CBFA2T2: variants seen among roughly 807,000 people sequenced by gnomAD.
CBFA2T2 encodes CBFA2/RUNX1 partner transcriptional co-repressor 2, also known as protein CBFA2T2.
In CBFA2T2, 11 loss-of-function variants were observed where a neutral mutation model predicts 62.2. That is an observed-to-expected ratio of 0.18 (90% confidence interval 0.11 to 0.29). CBFA2T2 has a LOEUF of 0.29. Among genes scored for constraint, CBFA2T2 ranks in the 10% least tolerant of loss-of-function variants. CBFA2T2 has a pLI of 1.00. For synonymous variants in CBFA2T2, 295 were observed against 287.5 expected (o/e 1.03, Z -0.27); for missense variants, 592 against 774.1 (o/e 0.76, Z 2.79).
At chr20:33,584,899 A>C (rs2014297937) in intron 1 of CBFA2T2, among the ~76,000 whole-genome samples, 2 of 152,304 alleles carry the variant, frequency 1.3e-5, no homozygotes, top group Middle Eastern at 3.4e-3. Flanking sequence ...AGGGTAACTT[A>C]GATGCCTTTT....
At chr20:33,628,723 C>T (rs2016343149) in intron 7 of CBFA2T2, among the ~76,000 whole-genome samples, 1 of 152,214 alleles carries the variant, frequency 6.6e-6, no homozygotes, top group Admixed American at 6.5e-5. Flanking sequence ...CCCACCTCAG[C>T]CTCTCAGAGT....
At chr20:33,543,470 G>A (rs1383987600) in intron 1 of CBFA2T2, among the ~76,000 whole-genome samples, 1 of 152,122 alleles carries the variant, frequency 6.6e-6, no homozygotes, top group Non-Finnish European at 1.5e-5. Context: ...CCAAATGAAT[G>A]GTCTGCATCA....
chr20:33,543,939 A>ATCCAGAT (rs1419651244), intron 1 of CBFA2T2, among the ~76,000 whole-genome samples: 9 of 152,188 alleles, frequency 5.9e-5, no homozygotes, highest in African/African-American at 2.2e-4. Flanking sequence ...AGAATCCAGA[A>ATCCAGAT]TCCAAGTAAC....
chr20:33,564,121 A>G (rs1364641669), intron 1 of CBFA2T2, among the ~76,000 whole-genome samples: 1 of 152,202 alleles, frequency 6.6e-6, no homozygotes, highest in Non-Finnish European at 1.5e-5. Flanking sequence ...AGAAACTTTA[A>G]AAAATATTTT....
At chr20:33,532,892 A>T (rs1007303916) in intron 1 of CBFA2T2, among the ~76,000 whole-genome samples, 1 of 152,134 alleles carries the variant, frequency 6.6e-6, no homozygotes, top group African/African-American at 2.4e-5. Flanking sequence ...GCTGTTTCTC[A>T]AGGAGTGATT....
chr20:33,538,950 ATTCCT>A (rs2012337884), intron 1 of CBFA2T2, among the ~76,000 whole-genome samples: 1 of 152,058 alleles, frequency 6.6e-6, no homozygotes, highest in South Asian at 2.1e-4. Flanking sequence ...CCATATCATA[ATTCCT>A]AGCTACCAAT....
At chr20:33,614,050 G>T (rs571341827) in intron 3 of CBFA2T2, among the ~76,000 whole-genome samples, 234 of 151,700 alleles carry the variant, frequency 1.5e-3, no homozygotes, top group South Asian at 4.4e-3. Context: ...CGGGCGTGGA[G>T]CTTGCAGTGA....
rs780878677 is a variant in CBFA2T2, at chr20:33,623,160, G to A, written c.556G>A (p.Ala186Thr). Residue 186 changes from alanine to threonine, a missense_variant, in exon 5 of 11, where the codon GCG (alanine) becomes ACG (threonine). This residue lies in a region of CBFA2T2 where 449 missense variants were observed against 551.2 expected (regional missense o/e 0.81). Transcript: ENST00000342704. ...GCGGGAACTGCTGCACTGCGCTCGGGCGGCCAAGCAGACCCCATCCCAGTA... is the reference window on the plus strand; with the variant it reads ...GCGGGAACTGCTGCACTGCGCTCGGACGGCCAAGCAGACCCCATCCCAGTA... ...LQRELLHCAR[A>T]AKQTPSQYLA... The A allele has an allele frequency of 2.5e-6, 4 of 1,614,256 alleles. No individual in the cohort carries two copies. The highest frequency in any genetic ancestry group is 2.5e-6 in the Non-Finnish European group (3 of 1,180,032).
At chr20:33,533,671 A>T (rs374025005) in intron 1 of CBFA2T2, among the ~76,000 whole-genome samples, 1,569 of 147,400 alleles carry the variant, frequency 0.011, 13 homozygotes, top group South Asian at 0.042. Context: ...TTTCTTTTTT[A>T]AAAAAAAAAG....
In CBFA2T2 at chr20:33,610,800, G is replaced by A. The variant is rs144183796; in HGVS notation, c.179-294G>A. Among the ~76,000 whole-genome samples, 638 of 152,210 alleles carry A rather than the reference G, an allele frequency of 4.2e-3. 4 individuals are homozygous for A. The highest frequency in any genetic ancestry group is 0.014 in the African/African-American group (593 of 41,520). ...CCCAGACCCATCTCAAGCACTACCT[G>A]TTGCAGGAAGTCTTTCTTAAAACTA... is the stretch of plus-strand genomic sequence containing the variant. On this transcript the variant is annotated intron_variant, in intron 2 of 10. Coordinates refer to ENST00000342704, the MANE Select transcript of CBFA2T2 (RefSeq NM_001032999.3).
intron 1 of CBFA2T2, among the ~76,000 whole-genome samples, chr20:33,539,469 C>G (rs199873638): frequency 6.7e-6 from 1 of 150,176 alleles, no homozygotes; most frequent in African/African-American, 2.4e-5. Context: ...CTTTATTACT[C>G]ATTTCCTATC....
At chr20:33,545,000 TAGAATAGAATAGAAC>T (rs1340520895) in intron 1 of CBFA2T2, among the ~76,000 whole-genome samples, 3 of 125,688 alleles carry the variant, frequency 2.4e-5, no homozygotes, top group African/African-American at 2.9e-5. Context: ...TAGAATAGAA[TAGAATAGAATAGAAC>T]AGAACAGAAT....
chr20:33,495,386 CAA>C (rs1214253879), intron 1 of CBFA2T2, among the ~76,000 whole-genome samples: 18 of 53,336 alleles, frequency 3.4e-4, no homozygotes, highest in Non-Finnish European at 4.3e-4. Flanking sequence ...AACTCTATCT[CAA>C]AAAAAAAAAA....
intron 1 of CBFA2T2, chr20:33,574,253 A>G: frequency 6.2e-7 from 1 of 1,613,082 alleles, no homozygotes; most frequent in South Asian, 1.1e-5. Flanking sequence ...CTGGCAAGGC[A>G]ATGGAAAGGT....
chr20:33,498,859 A>G (rs375253338), intron 1 of CBFA2T2, among the ~76,000 whole-genome samples: 1 of 152,174 alleles, frequency 6.6e-6, no homozygotes, highest in East Asian at 1.9e-4. Flanking sequence ...CCTGGCCAAC[A>G]TGGCAAAACC....
chr20:33,643,109 T>C (rs1033595549), intron 10 of CBFA2T2, among the ~76,000 whole-genome samples: 13 of 152,162 alleles, frequency 8.5e-5, no homozygotes, highest in African/African-American at 3.1e-4. Flanking sequence ...TTCCTGGAGT[T>C]TCTTGTTCAT....
rs1601053362 is a variant in CBFA2T2 at position 33,606,901 on chromosome 20, C to T, written c.35-55C>T. The T allele has an allele frequency of 6.4e-6, 10 of 1,573,818 alleles. No individual in the cohort carries two copies. In the East Asian group the frequency reaches 2.3e-4, roughly 35 times the overall value. On this transcript the variant is annotated intron_variant, in intron 1 of 10. Transcript: ENST00000342704. ...GTATGTTGGTATTTCAAATTGTTGT[C>T]TGTTTTTGCAAACTTTTAGAAAACC...
chr20:33,518,366 G>T (rs978739962), intron 1 of CBFA2T2, among the ~76,000 whole-genome samples: 1 of 152,088 alleles, frequency 6.6e-6, no homozygotes, highest in African/African-American at 2.4e-5. Context: ...ATTAAATATT[G>T]TCAAAGGCCT....
chr20:33,530,919 A>G (rs1424799948), intron 1 of CBFA2T2, among the ~76,000 whole-genome samples: 1 of 152,056 alleles, frequency 6.6e-6, no homozygotes, highest in East Asian at 1.9e-4. Flanking sequence ...CATCTCTACT[A>G]AAATACAAAA....
Sources: allele counts gnomAD v4.1 joint callset (sites outside exome capture counted in the v4.1 genomes callset), GRCh38; gene constraint gnomAD v4.1.1; regional missense constraint gnomAD v4.1.1; transcripts MANE v1.5; gene names NCBI Gene and HGNC (gene_info 2026-07-23, HGNC 2026-07-21).